The following CADM2 variants were observed in gnomAD, a reference collection of about 807,000 sequenced individuals.
The protein encoded by CADM2 is cell adhesion molecule 2.
A neutral mutation model predicts 49.8 loss-of-function variants in CADM2; 12 were observed. The observed-to-expected ratio is 0.24, with a 90% CI of 0.15 to 0.39. CADM2 has a LOEUF of 0.39. CADM2 is among the 10% of genes least tolerant of loss of function. The pLI is 1.00. For synonymous variants in CADM2, 214 were observed against 175.4 expected (o/e 1.22, Z -1.74); for missense variants, 378 against 492.3 (o/e 0.77, Z 2.20).
intron 1 of CADM2, among the ~76,000 whole-genome samples, chr3:85,271,599 A>G (rs1420216791): frequency 6.6e-6 from 1 of 151,164 alleles, no homozygotes; most frequent in East Asian, 1.9e-4. Flanking sequence ...CAGAATAATA[A>G]CCATATCTCC....
intron 1 of CADM2, among the ~76,000 whole-genome samples, chr3:85,042,636 A>C (rs1270147214): frequency 6.6e-6 from 1 of 152,230 alleles, no homozygotes; most frequent in East Asian, 1.9e-4. Context: ...TAAAATAAAT[A>C]GCATTGAAAG....
At chr3:85,856,298 A>G (rs1331479350) in intron 3 of CADM2, among the ~76,000 whole-genome samples, 1 of 152,162 alleles carries the variant, frequency 6.6e-6, no homozygotes, top group Non-Finnish European at 1.5e-5. Context: ...TTTTATCTCT[A>G]TTTAAGTGCT....
At position 85,100,834 on chromosome 3, in the gene CADM2, A is replaced by G. The variant is rs182676327; in HGVS notation, c.61+141166A>G. On this transcript the variant is annotated intron_variant, in intron 1 of 9. Transcript: ENST00000383699. Reference sequence around the variant, plus strand: ...TTCAAAAATTACTTTCAATGATGTCATATGTAAATTAGATCCAGTGTAAAG... The same window carrying G: ...TTCAAAAATTACTTTCAATGATGTCGTATGTAAATTAGATCCAGTGTAAAG... 1.4e-3 allele frequency among the ~76,000 whole-genome samples: 217 copies of G among 152,332 alleles called. 2 individuals carry two copies. The Middle Eastern group carries it at 0.02, about 14-fold the overall frequency.
intron 1 of CADM2, among the ~76,000 whole-genome samples, chr3:85,108,839 T>G (rs2038347566): frequency 6.6e-6 from 1 of 151,990 alleles, no homozygotes; most frequent in East Asian, 1.9e-4. Flanking sequence ...AAGGAAAAAG[T>G]GATTAGGATG....
chr3:85,314,714 T>C (rs1401948170), intron 1 of CADM2, among the ~76,000 whole-genome samples: 5 of 152,166 alleles, frequency 3.3e-5, no homozygotes, highest in Non-Finnish European at 7.4e-5. Flanking sequence ...GTAAAACCCA[T>C]GTCTCAAAGA....
chr3:85,954,868 G>A (rs1005711479), intron 7 of CADM2, among the ~76,000 whole-genome samples: 1 of 151,180 alleles, frequency 6.6e-6, no homozygotes, highest in Admixed American at 6.6e-5. Context: ...AGCAGAAAAA[G>A]GATCAAGATG....
chr3:85,254,567 G>A (rs1041544696), intron 1 of CADM2, among the ~76,000 whole-genome samples: 4 of 151,962 alleles, frequency 2.6e-5, no homozygotes, highest in East Asian at 1.9e-4. Flanking sequence ...GCCTACAAAC[G>A]ACAATCTTTT....
intron 1 of CADM2, among the ~76,000 whole-genome samples, chr3:85,329,601 A>G (rs955128670): frequency 6.6e-6 from 1 of 152,064 alleles, no homozygotes; most frequent in African/African-American, 2.4e-5. Context: ...ACAAAACCAA[A>G]AACAAACAAA....
intron 8 of CADM2, among the ~76,000 whole-genome samples, chr3:86,041,029 G>A (rs1735835797): frequency 6.6e-6 from 1 of 152,086 alleles, no homozygotes; most frequent in African/African-American, 2.4e-5. Flanking sequence ...ACAAGCAAAT[G>A]CTGAGAGATT....
intron 8 of CADM2, among the ~76,000 whole-genome samples, chr3:86,045,571 C>G (rs1297475239): frequency 6.6e-6 from 1 of 152,122 alleles, no homozygotes; most frequent in Non-Finnish European, 1.5e-5. Flanking sequence ...CGCCCTTCTC[C>G]CATTGTTTCA....
At chr3:85,330,572 A>T (rs1397636041) in intron 1 of CADM2, among the ~76,000 whole-genome samples, 1 of 152,128 alleles carries the variant, frequency 6.6e-6, no homozygotes, top group Non-Finnish European at 1.5e-5. Context: ...AAATGAATTG[A>T]GACAGAAAAT....
At chr3:85,346,328 A>G (rs2030640771) in intron 1 of CADM2, among the ~76,000 whole-genome samples, 1 of 152,188 alleles carries the variant, frequency 6.6e-6, no homozygotes, top group Admixed American at 6.5e-5. Context: ...GATCTACTAC[A>G]CTGTTACTTT....
intron 8 of CADM2, among the ~76,000 whole-genome samples, chr3:85,983,070 A>G (rs1341354229): frequency 6.6e-6 from 1 of 151,732 alleles, no homozygotes; most frequent in Non-Finnish European, 1.5e-5. Flanking sequence ...AACTCCTGCT[A>G]TTGCTGGATT....
At chr3:85,747,516 A>G (rs2068664826) in intron 2 of CADM2, among the ~76,000 whole-genome samples, 1 of 152,166 alleles carries the variant, frequency 6.6e-6, no homozygotes, top group African/African-American at 2.4e-5. Flanking sequence ...GAGAAAGTGA[A>G]GGCAACATCA....
chr3:85,014,896 A>G (rs1219544417), intron 1 of CADM2, among the ~76,000 whole-genome samples: 5 of 152,170 alleles, frequency 3.3e-5, no homozygotes, highest in Non-Finnish European at 7.4e-5. Flanking sequence ...TTTGGAAACT[A>G]TTGGGAGACA....
At chr3:84,985,929 C>A (rs2032525459) in intron 1 of CADM2, among the ~76,000 whole-genome samples, 1 of 152,182 alleles carries the variant, frequency 6.6e-6, no homozygotes, top group African/African-American at 2.4e-5. Flanking sequence ...TAAAGTGGCC[C>A]ATGGCTTAGC....
At position 85,122,764 on chromosome 3, in the gene CADM2, G is replaced by A. The variant is rs187897801; in HGVS notation, c.61+163096G>A. ...CTTGCCGGATTCCTTTTCCCTGATAGTATCACCTAGACCCTCAAGGAAATA... is the reference window on the plus strand; with the variant it reads ...CTTGCCGGATTCCTTTTCCCTGATAATATCACCTAGACCCTCAAGGAAATA... On this transcript the variant is annotated intron_variant, in intron 1 of 9. Coordinates refer to ENST00000383699, the MANE Select transcript of CADM2 (RefSeq NM_001167675.2). Among the ~76,000 whole-genome samples the A allele has an allele frequency of 3.1e-3, 464 of 151,938 alleles. 2 individuals carry two copies. Among genetic ancestry groups the A allele is most frequent in the Non-Finnish European group, 4.7e-3 (322 of 67,944 alleles).
chr3:85,043,832 T>C (rs1219417899), intron 1 of CADM2, among the ~76,000 whole-genome samples: 1 of 152,192 alleles, frequency 6.6e-6, no homozygotes, highest in African/African-American at 2.4e-5. Flanking sequence ...TTTGCTATTA[T>C]CTATCATATA....
intron 1 of CADM2, among the ~76,000 whole-genome samples, chr3:84,977,697 A>G (rs1474437176): frequency 1.2e-4 from 19 of 152,086 alleles, no homozygotes. Flanking sequence ...TATTGGCTAC[A>G]TATGTTCAGA....
Sources: gnomAD v4.1 joint callset for allele counts (sites outside exome capture counted in the v4.1 genomes callset) on GRCh38, gnomAD v4.1.1 for gene constraint, MANE v1.5 for transcripts, NCBI Gene and HGNC (gene_info 2026-07-23, HGNC 2026-07-21) for gene names.